NRXN3: variants seen among roughly 807,000 people sequenced by gnomAD.
NRXN3 encodes neurexin III.
A neutral mutation model predicts 137.6 loss-of-function variants in NRXN3; 32 were observed. The ratio of observed to expected loss-of-function variants is 0.23; its 90% CI spans 0.18 to 0.31. The LOEUF (loss-of-function observed/expected upper bound fraction) is 0.31. NRXN3 is among the 10% of genes least tolerant of loss of function. The pLI, the probability that NRXN3 is intolerant of heterozygous loss-of-function variation, is 1.00. For synonymous variants in NRXN3, 798 were observed against 784.5 expected, an observed-to-expected ratio of 1.02 and a Z score of -0.29; for missense variants, 1,574 against 2,062.5, an observed-to-expected ratio of 0.76 and a Z score of 4.59.
chr14:79,849,707 A>G (rs1177730615), intron 20 of NRXN3, among the ~76,000 whole-genome samples: 1 of 152,224 alleles, frequency 6.6e-6, no homozygotes, highest in African/African-American at 2.4e-5. Context: ...AAGTTCCTAA[A>G]TTAAAAATGG....
chr14:78,745,894 T>G (rs968931160), intron 8 of NRXN3, among the ~76,000 whole-genome samples: 2 of 152,226 alleles, frequency 1.3e-5, no homozygotes, highest in African/African-American at 4.8e-5. Flanking sequence ...AAGATTTCCT[T>G]AACCTTTCTG....
chr14:79,467,677 T>A (rs1200816832), intron 16 of NRXN3, among the ~76,000 whole-genome samples: 1 of 152,218 alleles, frequency 6.6e-6, no homozygotes, highest in Non-Finnish European at 1.5e-5. Flanking sequence ...GCAGAATATT[T>A]AGCAGACTTC....
intron 4 of NRXN3, among the ~76,000 whole-genome samples, chr14:78,611,490 AATT>A (rs2097300683): frequency 2.6e-5 from 4 of 151,894 alleles, no homozygotes; most frequent in Admixed American, 2.6e-4. Flanking sequence ...TATATAATGC[AATT>A]ATTTGCATGA....
intron 17 of NRXN3, among the ~76,000 whole-genome samples, chr14:79,668,657 C>A (rs1392622402): frequency 2.0e-5 from 3 of 152,026 alleles, no homozygotes; most frequent in Non-Finnish European, 4.4e-5. Context: ...GGTTTTTCAA[C>A]CTATTGACAT....
intron 17 of NRXN3, among the ~76,000 whole-genome samples, chr14:79,691,911 A>G (rs1316295243): frequency 1.3e-5 from 2 of 152,094 alleles, no homozygotes; most frequent in Non-Finnish European, 2.9e-5. Flanking sequence ...AGGTAAATCC[A>G]TTTCCGTAAA....
chr14:78,394,614 A>G (rs75395015), intron 4 of NRXN3, among the ~76,000 whole-genome samples: 10,592 of 151,476 alleles, frequency 0.07, 489 homozygotes, highest in African/African-American at 0.14. Flanking sequence ...CCTTTTCTCT[A>G]TTTTCTGGAA....
At chr14:79,134,317 T>A (rs2057989283) in intron 15 of NRXN3, among the ~76,000 whole-genome samples, 1 of 152,236 alleles carries the variant, frequency 6.6e-6, no homozygotes, top group African/African-American at 2.4e-5. Context: ...TGTTCCCAAT[T>A]CTTTACACTG....
At chr14:78,400,216 G>A (rs2091921429) in intron 4 of NRXN3, among the ~76,000 whole-genome samples, 1 of 152,172 alleles carries the variant, frequency 6.6e-6, no homozygotes, top group South Asian at 2.1e-4. Flanking sequence ...CTCCTATTAT[G>A]AGTTGACCTT....
chr14:79,058,457 A>G (rs1462002343), intron 15 of NRXN3, among the ~76,000 whole-genome samples: 1 of 152,042 alleles, frequency 6.6e-6, no homozygotes, highest in Non-Finnish European at 1.5e-5. Flanking sequence ...GAGAAGACTG[A>G]TTTTCTGAGA....
At chr14:79,571,972 TTTTG>T (rs1182261608) in intron 16 of NRXN3, among the ~76,000 whole-genome samples, 7 of 152,298 alleles carry the variant, frequency 4.6e-5, no homozygotes, top group East Asian at 1.9e-4. Flanking sequence ...TGAGAAATTT[TTTTG>T]TTTGTTTAAG....
chr14:79,242,789 C>T (rs2074515030), intron 15 of NRXN3, among the ~76,000 whole-genome samples: 1 of 152,136 alleles, frequency 6.6e-6, no homozygotes, highest in African/African-American at 2.4e-5. Flanking sequence ...CCTGTTACAG[C>T]ATCTGCCTGG....
chr14:79,060,347 T>C (rs190587357), intron 15 of NRXN3, among the ~76,000 whole-genome samples: 29 of 152,338 alleles, frequency 1.9e-4, no homozygotes, highest in Middle Eastern at 3.4e-3. Context: ...TGAATACTTC[T>C]TGAGGATAAG....
chr14:79,454,145 G>A (rs1319198624), intron 15 of NRXN3, among the ~76,000 whole-genome samples: 3 of 151,810 alleles, frequency 2.0e-5, no homozygotes, highest in South Asian at 2.1e-4. Flanking sequence ...GTGCAGTGGC[G>A]TGATCTCGGC....
chr14:78,812,382 G>A (rs775912292), intron 10 of NRXN3, among the ~76,000 whole-genome samples: 6 of 152,108 alleles, frequency 3.9e-5, no homozygotes, highest in Non-Finnish European at 7.4e-5. Context: ...AAGGAAATAA[G>A]GTGGAAACCC....
At chr14:79,381,207 G>GT (rs5809936) in intron 15 of NRXN3, among the ~76,000 whole-genome samples, 1,490 of 141,046 alleles carry the variant, frequency 0.011, 13 homozygotes, top group South Asian at 0.018. Context: ...TGCGTTGAAT[G>GT]TTTTTTTTTT....
chr14:78,988,915 G>A (rs1350359045), intron 15 of NRXN3, among the ~76,000 whole-genome samples: 1 of 152,154 alleles, frequency 6.6e-6, no homozygotes, highest in Non-Finnish European at 1.5e-5. Context: ...TCTGGCTCGT[G>A]GGTTTAGTTC....
chr14:79,558,808 A>G (rs2097458497), intron 16 of NRXN3, among the ~76,000 whole-genome samples: 1 of 152,186 alleles, frequency 6.6e-6, no homozygotes, highest in South Asian at 2.1e-4. Flanking sequence ...GTCCAGCAGA[A>G]GACTGTTTTG....
At chr14:78,649,755 C>T (rs968272347) in intron 5 of NRXN3, among the ~76,000 whole-genome samples, 1 of 151,906 alleles carries the variant, frequency 6.6e-6, no homozygotes, top group Non-Finnish European at 1.5e-5. Flanking sequence ...AGTCCCTTTT[C>T]TCTTTCCCTT....
chr14:78,571,404 A>G (rs1341250251), intron 4 of NRXN3, among the ~76,000 whole-genome samples: 1 of 152,104 alleles, frequency 6.6e-6, no homozygotes, highest in African/African-American at 2.4e-5. Context: ...AAATGAATTT[A>G]TGGTTTTGGG....
Sources: allele counts gnomAD v4.1 joint callset (sites outside exome capture counted in the v4.1 genomes callset), GRCh38; gene constraint gnomAD v4.1.1; transcripts MANE v1.5; gene names NCBI Gene and HGNC (gene_info 2026-07-23, HGNC 2026-07-21).